Variants in BRIP1 observed in about 807,000 individuals in gnomAD.
BRIP1 encodes the protein Fanconi anemia group J protein.
In BRIP1, 88 loss-of-function variants were observed where a neutral mutation model predicts 119.7. The observed-to-expected ratio is 0.74, with a 90% CI of 0.62 to 0.88. BRIP1 has a LOEUF of 0.88. Among genes scored for constraint, BRIP1 ranks in the 40% least tolerant of loss-of-function variants. The pLI, the probability that BRIP1 is intolerant of heterozygous loss-of-function variation, is 0.00. For missense variants in BRIP1, 1,259 were observed against 1,455.4 expected (o/e 0.87, Z 2.20); for synonymous variants, 443 against 496.5 (o/e 0.89, Z 1.43).
Position 61,716,061 on chromosome 17 carries a change from A to C in BRIP1, c.2382T>G (p.Val794=), listed in dbSNP as rs560088455. The C allele has an allele frequency of 3.2e-6, 5 of 1,565,466 alleles. No individual in the cohort carries two copies. In the South Asian group the frequency reaches 6.1e-5, roughly 19 times the overall value. The change falls in exon 17 of 20, where the codon GTT becomes GTG. Residue 794 remains valine, a splice_region_variant and synonymous_variant. Transcript: ENST00000259008. ...IPFPNVKDLQ[V]ELKRQYNDHH... is the part of the protein sequence containing the mutation. ...GGTCATTGTATTGTCGTTTTAGTTCAACCTAATAATTTTAAAATATATTTA... is the reference window on the plus strand; with the variant it reads ...GGTCATTGTATTGTCGTTTTAGTTCCACCTAATAATTTTAAAATATATTTA...
chr17:61,787,443 T>C (rs12943125), intron 10 of BRIP1, among the ~76,000 whole-genome samples: 29,509 of 124,686 alleles, frequency 0.24, 5,190 homozygotes, highest in Non-Finnish European at 0.34. Flanking sequence ...ATATACTATA[T>C]ATTATATATA....
rs1371814388 is a variant in BRIP1, at chr17:61,686,951, A to T, written c.2576-786T>A. On this transcript the variant is annotated intron_variant, in intron 18 of 19. Coordinates refer to ENST00000259008, the MANE Select transcript of BRIP1 (RefSeq NM_032043.3). The surrounding 1 kb of genome is among the most constrained non-coding windows in gnomAD (Gnocchi z 5.4). ...AGGAATTAGTTTTAAAAGTCACTAT[A>T]GGGTAAAAATTTAAGTTCTAGATTT... Among the ~76,000 whole-genome samples the T allele has an allele frequency of 6.6e-6, 1 of 152,236 alleles. No individual in the cohort carries two copies. Among genetic ancestry groups the T allele is most frequent in the Non-Finnish European group, 1.5e-5 (1 of 68,048 alleles).
intron 6 of BRIP1, among the ~76,000 whole-genome samples, chr17:61,833,786 C>T (rs967295150): frequency 1.3e-5 from 2 of 152,070 alleles, no homozygotes; most frequent in Admixed American, 6.6e-5. Flanking sequence ...GAGATTCACA[C>T]TAACTCCACT....
At chr17:61,716,191 T>G in intron 16 of BRIP1, 128 bp from the exon 17 acceptor site, 1 of 628,716 alleles carries the variant, frequency 1.6e-6, no homozygotes, top group South Asian at 2.6e-5. Flanking sequence ...TTTTCAGTAC[T>G]GATTTTTTTC....
At chr17:61,731,952 C>CTT (rs1170823788) in intron 16 of BRIP1, among the ~76,000 whole-genome samples, 1 of 131,526 alleles carries the variant, frequency 7.6e-6, no homozygotes, top group Admixed American at 7.5e-5. Flanking sequence ...TGAATAGTTG[C>CTT]TTTTTTTCTT....
intron 16 of BRIP1, among the ~76,000 whole-genome samples, chr17:61,741,050 G>A (rs1331453901): frequency 3.9e-5 from 6 of 152,126 alleles, no homozygotes; most frequent in East Asian, 3.8e-4. Context: ...AAACTCTGCC[G>A]CTGCTTCATG....
Position 61,798,913 on chromosome 17 carries a change from A to C in BRIP1, c.1340+187T>G, listed in dbSNP as rs2077942464. Among the ~76,000 whole-genome samples the C allele has an allele frequency of 6.6e-6, 1 of 152,120 alleles. No individual in the cohort carries two copies. Among genetic ancestry groups the C allele is most frequent in the African/African-American group, 2.4e-5 (1 of 41,450 alleles). ...TCATTTTTAAAAATCACTTATGTTC[A>C]TTATATTCTTGTGAACAAGACAAAA... On this transcript the variant is annotated intron_variant, in intron 9 of 19. Coordinates refer to ENST00000259008, the MANE Select transcript of BRIP1 (RefSeq NM_032043.3). The surrounding 1 kb of genome is among the most constrained non-coding windows in gnomAD (Gnocchi z 5.5).
In BRIP1 at chr17:61,770,243, A is replaced by G. The variant is rs913912231; in HGVS notation, c.2097+6158T>C. ...AAGACTGAGACATAATCATAGGATT[A>G]GAAGATGCTTCCTGTTCCCCATACC... is the stretch of plus-strand genomic sequence containing the variant. On this transcript the variant is annotated intron_variant, in intron 14 of 19. Coordinates refer to ENST00000259008, the MANE Select transcript of BRIP1 (RefSeq NM_032043.3). The surrounding 1 kb of genome is among the most constrained non-coding windows in gnomAD (Gnocchi z 4.7). Among the ~76,000 whole-genome samples the G allele has an allele frequency of 6.6e-6, 1 of 152,254 alleles. No homozygotes were observed. Among genetic ancestry groups the G allele is most frequent in the African/African-American group, 2.4e-5 (1 of 41,478 alleles).
chr17:61,779,338 A>T (rs1422567705), intron 13 of BRIP1, among the ~76,000 whole-genome samples: 1 of 152,226 alleles, frequency 6.6e-6, no homozygotes, highest in African/African-American at 2.4e-5. Flanking sequence ...GCTACTCAGG[A>T]GGCTGAGGCA....
Position 61,805,127 on chromosome 17 carries a change from C to A in BRIP1, c.918+3340G>T, listed in dbSNP as rs550885052. 1.3e-5 allele frequency among the ~76,000 whole-genome samples: 2 copies of A among 152,066 alleles called. No homozygotes were observed. The highest frequency in any genetic ancestry group is 4.8e-5 in the African/African-American group (2 of 41,466). The stretch of plus-strand genomic sequence containing the variant: ...TCTATGAATTATCCAAAAGGAGAAT[C>A]CGTGTTTTCAAAACATACATACATC... On this transcript the variant is annotated intron_variant, in intron 7 of 19. Coordinates refer to ENST00000259008, the MANE Select transcript of BRIP1 (RefSeq NM_032043.3). This position sits in a 1 kb window ranked among gnomAD's most constrained non-coding sequence, Gnocchi z 5.6.
intron 13 of BRIP1, among the ~76,000 whole-genome samples, chr17:61,779,987 TAAAG>T (rs2077589685): frequency 6.6e-6 from 1 of 152,142 alleles, no homozygotes; most frequent in African/African-American, 2.4e-5. Flanking sequence ...CAATGAGAAT[TAAAG>T]AAATCAAAAT....
chr17:61,780,533 G>T lies in BRIP1; in HGVS notation c.1795-132C>A. 1.2e-6 allele frequency: 1 copy of T among 852,692 alleles called. No homozygotes were observed. The highest frequency in any genetic ancestry group is 1.9e-6 in the Non-Finnish European group (1 of 525,514). 52.8% of individuals were successfully genotyped at this position (852,692 alleles called of 1,614,324 possible). On this transcript the variant is annotated intron_variant, in intron 12 of 19. Transcript: ENST00000259008. This position sits in a 1 kb window ranked among gnomAD's most constrained non-coding sequence, Gnocchi z 5.4. ...GCTTGAGTCTAGGAGTCTGAGACCA[G>T]CCTGGGCAATATGGTGAAACCCCGT...
In BRIP1 at chr17:61,780,380, T is replaced by G. The variant is rs1386348664; in HGVS notation, c.1816A>C (p.Lys606Gln). ...GATGTCAAAACAATGGTCTGAACTTTGCCATTAATATCTGAAAAGGCCTAA... is the reference window on the plus strand; with the variant it reads ...GATGTCAAAACAATGGTCTGAACTTGGCCATTAATATCTGAAAAGGCCTAA... ...PAVAFSDING[K>Q]VQTIVLTSGT... Residue 606 changes from lysine to glutamine, a missense_variant, in exon 13 of 20, where the codon AAA becomes CAA. Lys to Gln is a moderately conservative substitution (Grantham distance 53). Coordinates refer to ENST00000259008, the MANE Select transcript of BRIP1 (RefSeq NM_032043.3). The surrounding 1 kb of genome is among the most constrained non-coding windows in gnomAD (Gnocchi z 5.4). 6.2e-7 allele frequency: 1 copy of G among 1,610,840 alleles called. No individual in the cohort carries two copies. Among genetic ancestry groups the G allele is most frequent in the Admixed American group, 1.7e-5 (1 of 60,026 alleles).
In BRIP1 at chr17:61,692,218, T is replaced by A. The variant is rs907976668; in HGVS notation, c.2575+1212A>T. Among the ~76,000 whole-genome samples, 5 of 152,232 alleles carry A rather than the reference T, an allele frequency of 3.3e-5. No individual in the cohort carries two copies. The South Asian group carries it at 1.0e-3, about 31-fold the overall frequency. On this transcript the variant is annotated intron_variant, in intron 18 of 19. Coordinates refer to ENST00000259008, the MANE Select transcript of BRIP1 (RefSeq NM_032043.3). ...AACCATAAGCCAAATAAATCTCTTATCTTTATAAATTATCCAGTCTTGGTA... is the reference window on the plus strand; with the variant it reads ...AACCATAAGCCAAATAAATCTCTTAACTTTATAAATTATCCAGTCTTGGTA...
At position 61,861,483 on chromosome 17, in the gene BRIP1, A is replaced by T. The variant is rs876659588; in HGVS notation, c.57T>A (p.Tyr19Ter). The T allele has an allele frequency of 6.2e-7, 1 of 1,613,338 alleles. No homozygotes were observed. The highest frequency in any genetic ancestry group is 1.1e-5 in the South Asian group (1 of 91,060). ...TAGCAAGCTGTGACGGGTAAGCTTT[A>T]TAAGGAAAGTAAATCTTCACCCCAC... Reference protein sequence around the residue: ...TIGGVKIYFPYKAYPSQLAMM... With the variant: ...TIGGVKIYFP The change falls in exon 2 of 20, where the codon TAT becomes TAA. Residue 19 changes from tyrosine to a stop codon, truncating the protein, a stop_gained. Transcript: ENST00000259008. LOFTEE classifies it high-confidence loss of function. This position sits in a 1 kb window ranked among gnomAD's most constrained non-coding sequence, Gnocchi z 4.5.
chr17:61,788,614 C>A (rs1241701763), intron 10 of BRIP1, among the ~76,000 whole-genome samples: 1 of 152,072 alleles, frequency 6.6e-6, no homozygotes, highest in African/African-American at 2.4e-5. Flanking sequence ...ATTAGAGAAA[C>A]AGAATGGTGG....
chr17:61,683,319 C>T lies in BRIP1; in HGVS notation c.3727G>A (p.Gly1243Ser), dbSNP rs587780250. ...TATTACTTAAAACCAGGAAACATGC[C>T]TTTATTTTTGGAAGGAGATGGTTTA... is the stretch of plus-strand genomic sequence containing the variant. ...NFKPSPSKNKGMFPGFK is the reference protein window; with the variant it reads ...NFKPSPSKNKSMFPGFK The change falls in exon 20 of 20, where the codon GGC (glycine) becomes AGC (serine). Residue 1243 changes from glycine (G) to serine (S), a missense_variant. Around this residue, in one of 3 missense-constraint regions of BRIP1, gnomAD observed 753 missense variants for 891.8 expected, o/e 0.84. Transcript: ENST00000259008. This position sits in a 1 kb window ranked among gnomAD's most constrained non-coding sequence, Gnocchi z 4.7. The T allele has an allele frequency of 6.2e-7, 1 of 1,610,214 alleles. No homozygotes were observed. Among genetic ancestry groups the T allele is most frequent in the Non-Finnish European group, 8.5e-7 (1 of 1,177,268 alleles).
intron 17 of BRIP1, among the ~76,000 whole-genome samples, chr17:61,702,247 G>A (rs1237980452): frequency 3.5e-5 from 5 of 141,886 alleles, no homozygotes; most frequent in Admixed American, 3.4e-4. Context: ...TTGATCTATA[G>A]TTGTTGTTGT....
chr17:61,744,040 T>C lies in BRIP1; in HGVS notation c.2257+392A>G, dbSNP rs1421645412. On this transcript the variant is annotated intron_variant, in intron 15 of 19. Transcript: ENST00000259008. The surrounding 1 kb of genome is among the most constrained non-coding windows in gnomAD (Gnocchi z 5.0). ...TAACTTGGAATTGAGTTTTCAGTTA[T>C]GTTTTGAAAATTCAAGTTTACCTTA... 6.6e-6 allele frequency among the ~76,000 whole-genome samples: 1 copy of C among 152,224 alleles called. No homozygotes were observed. The highest frequency in any genetic ancestry group is 1.5e-5 in the Non-Finnish European group (1 of 68,038).
Sources: allele counts gnomAD v4.1 joint callset (sites outside exome capture counted in the v4.1 genomes callset), GRCh38; gene constraint gnomAD v4.1.1; regional missense constraint gnomAD v4.1.1; non-coding constraint Gnocchi (gnomAD v3.1); transcripts MANE v1.5; gene names NCBI Gene and HGNC (gene_info 2026-07-23, HGNC 2026-07-21).